The following LRRTM3 variants were observed in gnomAD, a reference collection of about 807,000 sequenced individuals.
LRRTM3 encodes the protein leucine-rich repeat transmembrane neuronal protein 3.
LRRTM3 carries 24 observed loss-of-function variants against 44.7 expected under a neutral mutation model. That is an observed-to-expected ratio of 0.54 (90% CI 0.39 to 0.76). LRRTM3 has a LOEUF of 0.76. Among genes scored for constraint, LRRTM3 ranks in the 30% least tolerant of loss-of-function variants. The pLI, the probability that LRRTM3 is intolerant of heterozygous loss-of-function variation, is 0.00. For missense variants in LRRTM3, 587 were observed against 702.2 expected (o/e 0.84, Z 1.85); for synonymous variants, 277 against 278.7 (o/e 0.99, Z 0.06).
At chr10:67,020,032 T>C (rs1852903487) in intron 2 of LRRTM3, among the ~76,000 whole-genome samples, 1 of 151,936 alleles carries the variant, frequency 6.6e-6, no homozygotes, top group Non-Finnish European at 1.5e-5. Flanking sequence ...TTTCCCTCAC[T>C]GTGTCAAGAA....
At chr10:66,989,232 C>G (rs190167412) in intron 2 of LRRTM3, among the ~76,000 whole-genome samples, 1 of 152,018 alleles carries the variant, frequency 6.6e-6, no homozygotes, top group East Asian at 1.9e-4. Context: ...GAGGGCCCTC[C>G]TAGGGGTCAA....
chr10:67,026,028 T>C (rs1416970219), intron 2 of LRRTM3, among the ~76,000 whole-genome samples: 1 of 149,990 alleles, frequency 6.7e-6, no homozygotes, highest in Admixed American at 6.7e-5. Context: ...AAACACCGCA[T>C]GTTCTCATTC....
At position 66,933,149 on chromosome 10, in the gene LRRTM3, G is replaced by T. The variant is rs564829979; in HGVS notation, c.1536+4697G>T. 2.0e-5 allele frequency among the ~76,000 whole-genome samples: 3 copies of T among 152,262 alleles called. No individual in the cohort carries two copies. In the South Asian group the frequency reaches 6.2e-4, roughly 32 times the overall value. On this transcript the variant is annotated intron_variant, in intron 2 of 2. Transcript: ENST00000361320. Reference sequence around the variant, plus strand: ...AGTGGGGTTTGTTGTTCTATGTTTGGCATGAGCCAAAAAGAAATCAGTAAC... The same window carrying T: ...AGTGGGGTTTGTTGTTCTATGTTTGTCATGAGCCAAAAAGAAATCAGTAAC...
At chr10:67,069,915 C>T (rs1242656403) in intron 2 of LRRTM3, among the ~76,000 whole-genome samples, 1 of 152,138 alleles carries the variant, frequency 6.6e-6, no homozygotes. Flanking sequence ...ACATATTTCT[C>T]CTGCATGTAT....
chr10:67,016,889 G>T (rs979081349), intron 2 of LRRTM3, among the ~76,000 whole-genome samples: 2 of 152,074 alleles, frequency 1.3e-5, no homozygotes, highest in African/African-American at 4.8e-5. Flanking sequence ...GGAATGATAC[G>T]AATATTTTAT....
chr10:67,097,179 A>T (rs184737101), intron 2 of LRRTM3, among the ~76,000 whole-genome samples: 7 of 151,822 alleles, frequency 4.6e-5, no homozygotes, highest in Admixed American at 4.6e-4. Flanking sequence ...AAGTTTGAGA[A>T]TCACTCTTGT....
rs1052402690 is a variant in LRRTM3 at position 66,954,449 on chromosome 10, AG to A, written c.1536+25999del. On this transcript the variant is annotated intron_variant, in intron 2 of 2. Transcript: ENST00000361320. ...ATGTGACAACATTCAGGCAAAGGCAAGGCTACTATGTACAGGAGAGCATGTT... is the reference window on the plus strand; with the variant it reads ...ATGTGACAACATTCAGGCAAAGGCAAGCTACTATGTACAGGAGAGCATGTT... Among the ~76,000 whole-genome samples the A allele has an allele frequency of 6.9e-4, 105 of 152,324 alleles. 1 individual carries two copies. The highest frequency in any genetic ancestry group is 2.2e-3 in the African/African-American group (92 of 41,592).
intron 2 of LRRTM3, among the ~76,000 whole-genome samples, chr10:67,020,199 A>C (rs28756035): frequency 1.3e-5 from 2 of 152,174 alleles, no homozygotes; most frequent in Non-Finnish European, 2.9e-5. Flanking sequence ...GAGCCACCTC[A>C]ATCTAAGCCA....
intron 2 of LRRTM3, among the ~76,000 whole-genome samples, chr10:66,945,240 C>G (rs1354364407): frequency 6.6e-6 from 1 of 152,210 alleles, no homozygotes; most frequent in Non-Finnish European, 1.5e-5. Context: ...TAACCACCTT[C>G]ATCAATTATC....
intron 2 of LRRTM3, among the ~76,000 whole-genome samples, chr10:67,081,947 T>C (rs982027736): frequency 1.3e-5 from 2 of 152,176 alleles, no homozygotes; most frequent in African/African-American, 4.8e-5. Context: ...TAGAGCTCCT[T>C]GAAAACAGTA....
At position 67,090,197 on chromosome 10, in the gene LRRTM3, G is replaced by A. The variant is rs16924011; in HGVS notation, c.1537-7390G>A. On this transcript the variant is annotated intron_variant, in intron 2 of 2. Transcript: ENST00000361320. ...TCCTGTCCCCATCTTGAGTGTTTTC[G>A]AGATTGGACTCTTCTTTCTATGCCT... Among the ~76,000 whole-genome samples the A allele has an allele frequency of 7.4e-3, 1,122 of 152,078 alleles. 6 individuals are homozygous for A. Among genetic ancestry groups the A allele is most frequent in the African/African-American group, 0.026 (1,081 of 41,508 alleles).
intron 2 of LRRTM3, among the ~76,000 whole-genome samples, chr10:66,980,635 T>C (rs997003788): frequency 6.6e-6 from 1 of 152,164 alleles, no homozygotes; most frequent in Non-Finnish European, 1.5e-5. Context: ...ATGAGATTCT[T>C]GCAAGCCCGC....
At chr10:66,951,477 C>T (rs1041360170) in intron 2 of LRRTM3, among the ~76,000 whole-genome samples, 3 of 152,094 alleles carry the variant, frequency 2.0e-5, no homozygotes, top group Non-Finnish European at 4.4e-5. Context: ...TGTCCCCTAA[C>T]GTATTTAATT....
At chr10:66,931,289 C>T (rs1264346575) in intron 2 of LRRTM3, among the ~76,000 whole-genome samples, 1 of 150,444 alleles carries the variant, frequency 6.6e-6, no homozygotes, top group Non-Finnish European at 1.5e-5. Context: ...GATTTAGTCT[C>T]TAAACTTCAT....
intron 2 of LRRTM3, among the ~76,000 whole-genome samples, chr10:67,073,795 A>G (rs1045251622): frequency 3.3e-5 from 5 of 152,224 alleles, no homozygotes; most frequent in African/African-American, 4.8e-5. Flanking sequence ...AATGCTAAGC[A>G]TAATGAAAAG....
intron 2 of LRRTM3, among the ~76,000 whole-genome samples, chr10:66,939,480 A>T (rs1284154217): frequency 3.3e-5 from 5 of 152,314 alleles, no homozygotes; most frequent in African/African-American, 9.6e-5. Flanking sequence ...TTTAATGTAA[A>T]AGGAGGGAAA....
At chr10:66,988,019 CTTTA>C (rs1850829293) in intron 2 of LRRTM3, among the ~76,000 whole-genome samples, 1 of 152,084 alleles carries the variant, frequency 6.6e-6, no homozygotes. Context: ...AGTATCAAAA[CTTTA>C]TTTAATATAA....
chr10:67,003,346 T>TA (rs1851788920), intron 2 of LRRTM3, among the ~76,000 whole-genome samples: 1 of 152,172 alleles, frequency 6.6e-6, no homozygotes. Flanking sequence ...ATTCCTGGCA[T>TA]AAAAAGAGCT....
chr10:67,074,538 G>A (rs1856647935), intron 2 of LRRTM3, among the ~76,000 whole-genome samples: 1 of 150,736 alleles, frequency 6.6e-6, no homozygotes, highest in South Asian at 2.1e-4. Flanking sequence ...TTTTAGTAGA[G>A]ATGGGGTTTC....
Sources: allele counts gnomAD v4.1 joint callset (sites outside exome capture counted in the v4.1 genomes callset), GRCh38; gene constraint gnomAD v4.1.1; transcripts MANE v1.5; gene names NCBI Gene and HGNC (gene_info 2026-07-23, HGNC 2026-07-21).